The following SYNE1 variants were observed in gnomAD, a reference collection of about 807,000 sequenced individuals.
SYNE1 encodes the protein spectrin repeat containing nuclear envelope protein 1.
In SYNE1, 616 loss-of-function variants were observed where a neutral mutation model predicts 1,111.0. The observed-to-expected ratio is 0.55, with a 90% CI of 0.52 to 0.59. The LOEUF is 0.59. Ranked by LOEUF, SYNE1 falls within the 20% of genes least tolerant of loss-of-function variation. The pLI, the probability that SYNE1 is intolerant of heterozygous loss-of-function variation, is 0.00. For missense variants in SYNE1, 10,006 were observed against 10,417.0 expected, an observed-to-expected ratio of 0.96 and a Z score of 1.72; for synonymous variants, 3,855 against 3,825.8, an observed-to-expected ratio of 1.01 and a Z score of -0.28.
intron 87 of SYNE1, among the ~76,000 whole-genome samples, chr6:152,314,620 T>C (rs1250889792): frequency 6.6e-6 from 1 of 152,110 alleles, no homozygotes; most frequent in Non-Finnish European, 1.5e-5. Flanking sequence ...ATATCCTTTG[T>C]ACCCTAAATG....
At chr6:152,585,868 T>G (rs1446356141) in intron 3 of SYNE1, among the ~76,000 whole-genome samples, 3 of 152,204 alleles carry the variant, frequency 2.0e-5, no homozygotes, top group African/African-American at 7.2e-5. Flanking sequence ...CAAATGTATT[T>G]AAACCTTTGG....
intron 33 of SYNE1, chr6:152,435,723 T>C: frequency 3.3e-6 from 2 of 610,500 alleles, no homozygotes; most frequent in Non-Finnish European, 5.7e-6. Flanking sequence ...CAGTTTAAGA[T>C]GCAAAACCCA....
intron 3 of SYNE1, among the ~76,000 whole-genome samples, chr6:152,598,247 C>A (rs940868483): frequency 1.3e-5 from 2 of 152,074 alleles, no homozygotes; most frequent in South Asian, 4.1e-4. Flanking sequence ...ACAAGTCTCA[C>A]GAGATCTGAT....
intron 42 of SYNE1, among the ~76,000 whole-genome samples, chr6:152,412,418 C>T (rs1435569284): frequency 2.1e-5 from 3 of 145,792 alleles, no homozygotes; most frequent in South Asian, 2.2e-4. Context: ...AGCGAGACTC[C>T]GTCTCAAAAA....
At chr6:152,135,709 G>A (rs1311114997) in intron 141 of SYNE1, among the ~76,000 whole-genome samples, 1 of 152,138 alleles carries the variant, frequency 6.6e-6, no homozygotes, top group Non-Finnish European at 1.5e-5. Context: ...TGGGTGCAGA[G>A]GTGAAACAGC....
Position 152,526,180 on chromosome 6 carries a change from A to G in SYNE1, c.130-5T>C. On this transcript the variant is annotated splice_polypyrimidine_tract_variant and splice_region_variant and intron_variant, in intron 4 of 145. Transcript: ENST00000367255. ...CACCACCATTGGAGGTTTCCGCTGT[A>G]AAAGCAAAGAGGAATAAGTGCAGAA... The G allele has an allele frequency of 6.8e-6, 11 of 1,613,748 alleles. No individual in the cohort carries two copies. The highest frequency in any genetic ancestry group is 4.0e-5 in the African/African-American group (3 of 75,048).
At position 152,350,156 on chromosome 6, in the gene SYNE1, G is replaced by A; in HGVS notation, c.11901+12C>T. On this transcript the variant is annotated intron_variant, in intron 72 of 145. Coordinates refer to ENST00000367255, the MANE Select transcript of SYNE1 (RefSeq NM_182961.4). ...GCCATCCCAAAGGCAGCCCTTTAAA[G>A]GTCAGGGGTACCTTGTGGTGGGCCA... 2 of 1,612,738 alleles carry A rather than the reference G, an allele frequency of 1.2e-6. No homozygotes were observed. Among genetic ancestry groups the A allele is most frequent in the Non-Finnish European group, 1.7e-6 (2 of 1,180,024 alleles).
At chr6:152,543,290 A>C (rs1214967688) in intron 3 of SYNE1, among the ~76,000 whole-genome samples, 1 of 152,154 alleles carries the variant, frequency 6.6e-6, no homozygotes, top group Non-Finnish European at 1.5e-5. Context: ...TAGGTCCTAC[A>C]ATTCACTTTT....
At chr6:152,263,396 T>C (rs938327217) in intron 100 of SYNE1, among the ~76,000 whole-genome samples, 2 of 151,950 alleles carry the variant, frequency 1.3e-5, no homozygotes, top group African/African-American at 4.8e-5. Flanking sequence ...CTCTTATTTA[T>C]TTATTTATTT....
rs943860440 is a variant in SYNE1 at position 152,510,887 on chromosome 6, G to T, written c.402+124C>A. The stretch of plus-strand genomic sequence containing the variant: ...CAAAGAAACAACGTATGTGTGAAAG[G>T]TACATTTCTGCTAAGTTAAGGATCA... On this transcript the variant is annotated intron_variant, in intron 7 of 145. Transcript: ENST00000367255. 5 of 898,058 alleles carry T rather than the reference G, an allele frequency of 5.6e-6. No individual in the cohort carries two copies. In the African/African-American group the frequency reaches 8.2e-5, roughly 15 times the overall value. 55.6% of individuals were successfully genotyped at this position (898,058 alleles called of 1,614,324 possible).
chr6:152,405,611 T>C (rs1246487348), intron 45 of SYNE1, among the ~76,000 whole-genome samples: 1 of 152,226 alleles, frequency 6.6e-6, no homozygotes, highest in Non-Finnish European at 1.5e-5. Context: ...ATAATGGTTG[T>C]TTTTAACAGT....
chr6:152,252,463 A>G (rs1479928782), intron 104 of SYNE1, among the ~76,000 whole-genome samples: 1 of 152,190 alleles, frequency 6.6e-6, no homozygotes, highest in Non-Finnish European at 1.5e-5. Flanking sequence ...AAAATAGTTC[A>G]TAATTGACTT....
chr6:152,568,893 T>G (rs925339490), intron 3 of SYNE1, among the ~76,000 whole-genome samples: 1 of 152,234 alleles, frequency 6.6e-6, no homozygotes. Flanking sequence ...TTTACATTAT[T>G]CAATTTAAAA....
At chr6:152,235,335 A>G (rs903708391) in intron 110 of SYNE1, among the ~76,000 whole-genome samples, 13 of 152,206 alleles carry the variant, frequency 8.5e-5, no homozygotes, top group Non-Finnish European at 1.5e-5. Context: ...TTATATGAGT[A>G]TACAAGAATC....
chr6:152,466,804 G>A (rs889854494), intron 16 of SYNE1, among the ~76,000 whole-genome samples: 11 of 152,064 alleles, frequency 7.2e-5, no homozygotes, highest in Non-Finnish European at 1.5e-5. Context: ...CTTCTTGAAA[G>A]TAGAAAATTA....
chr6:152,244,383 G>A (rs2086558445), intron 106 of SYNE1, among the ~76,000 whole-genome samples, 154 bp downstream of exon 106: 1 of 152,162 alleles, frequency 6.6e-6, no homozygotes, highest in African/African-American at 2.4e-5. Context: ...AACATGTTAA[G>A]CTTCAGAAAA....
intron 124 of SYNE1, among the ~76,000 whole-genome samples, chr6:152,210,228 C>T (rs1483119137): frequency 6.6e-6 from 1 of 152,052 alleles, no homozygotes; most frequent in Non-Finnish European, 1.5e-5. Flanking sequence ...TCAAGTCTAA[C>T]CTCCCATTTT....
intron 3 of SYNE1, among the ~76,000 whole-genome samples, chr6:152,576,761 G>A (rs558370674): frequency 1.4e-4 from 22 of 152,276 alleles, no homozygotes; most frequent in African/African-American, 4.8e-4. Flanking sequence ...TCAAGAATTA[G>A]TGGAAAAATC....
intron 98 of SYNE1, among the ~76,000 whole-genome samples, chr6:152,272,190 C>T (rs1309887452): frequency 6.6e-6 from 1 of 152,204 alleles, no homozygotes; most frequent in Non-Finnish European, 1.5e-5. Context: ...CCACAGGAAG[C>T]AAACCATGAT....
Sources: allele counts gnomAD v4.1 joint callset (sites outside exome capture counted in the v4.1 genomes callset), GRCh38; gene constraint gnomAD v4.1.1; transcripts MANE v1.5; gene names NCBI Gene and HGNC (gene_info 2026-07-23, HGNC 2026-07-21).